PLD5: variants seen among roughly 807,000 people sequenced by gnomAD.
PLD5 encodes the protein inactive phospholipase D5.
In PLD5, 36 loss-of-function variants were observed where a neutral mutation model predicts 61.1. The ratio of observed to expected loss-of-function variants is 0.59; its 90% confidence interval spans 0.45 to 0.78. PLD5 has a LOEUF of 0.78. Ranked by LOEUF, PLD5 falls within the 30% of genes least tolerant of loss-of-function variation. The probability of loss-of-function intolerance (pLI) is 0.00; values close to 1 mark genes in which losing one functional copy is unlikely to be tolerated. For synonymous variants in PLD5, 243 were observed against 242.8 expected, an observed-to-expected ratio of 1.00 and a Z score of -0.01; for missense variants, 515 against 644.4, an observed-to-expected ratio of 0.80 and a Z score of 2.17.
intron 3 of PLD5, among the ~76,000 whole-genome samples, chr1:242,271,219 G>C (rs1253322369): frequency 0.12 from 15,643 of 125,882 alleles, 2,165 homozygotes; most frequent in East Asian, 0.41. Context: ...GAGAGAGAGA[G>C]AGAGAGAGAG....
intron 4 of PLD5, among the ~76,000 whole-genome samples, chr1:242,247,046 C>G (rs561528923): frequency 2.7e-5 from 4 of 148,570 alleles, no homozygotes; most frequent in Non-Finnish European, 5.9e-5. Flanking sequence ...TGCAGTGGCG[C>G]GATCTCGACT....
chr1:242,318,406 T>C (rs1236566827), intron 2 of PLD5, among the ~76,000 whole-genome samples: 1 of 152,190 alleles, frequency 6.6e-6, no homozygotes, highest in East Asian at 1.9e-4. Flanking sequence ...CAGTGGGCAC[T>C]ACCAGAACCT....
At chr1:242,433,422 T>C (rs1183252862) in intron 1 of PLD5, among the ~76,000 whole-genome samples, 1 of 152,206 alleles carries the variant, frequency 6.6e-6, no homozygotes, top group Non-Finnish European at 1.5e-5. Flanking sequence ...AATAGACATG[T>C]TTGTGCTGGC....
intron 1 of PLD5, among the ~76,000 whole-genome samples, chr1:242,397,839 G>C (rs1663689021): frequency 6.7e-6 from 1 of 150,264 alleles, no homozygotes; most frequent in South Asian, 2.1e-4. Context: ...AACACAGCAG[G>C]AATGTATATG....
chr1:242,240,000 GA>G (rs1478346584), intron 4 of PLD5, among the ~76,000 whole-genome samples: 1 of 152,184 alleles, frequency 6.6e-6, no homozygotes, highest in Non-Finnish European at 1.5e-5. Context: ...ATGCAGAAAA[GA>G]AAATTTTTTT....
At chr1:242,112,210 A>C (rs1414394919) in intron 7 of PLD5, among the ~76,000 whole-genome samples, 1 of 152,096 alleles carries the variant, frequency 6.6e-6, no homozygotes, top group Non-Finnish European at 1.5e-5. Flanking sequence ...AAAGGGAGGA[A>C]AAATAAAAAG....
At chr1:242,227,146 T>A (rs1270362833) in intron 4 of PLD5, among the ~76,000 whole-genome samples, 4 of 152,152 alleles carry the variant, frequency 2.6e-5, no homozygotes, top group Non-Finnish European at 4.4e-5. Context: ...AACTATCTCA[T>A]CTATAGATTA....
chr1:242,102,303 A>G (rs1055322382), intron 8 of PLD5, among the ~76,000 whole-genome samples: 2 of 152,236 alleles, frequency 1.3e-5, no homozygotes, highest in Non-Finnish European at 2.9e-5. Flanking sequence ...TTGAGGCTTT[A>G]GTAAAAACCC....
At chr1:242,113,559 T>G (rs530651156) in intron 7 of PLD5, among the ~76,000 whole-genome samples, 24 of 152,232 alleles carry the variant, frequency 1.6e-4, no homozygotes, top group Non-Finnish European at 2.1e-4. Context: ...AATGATAATT[T>G]TTTTCATATA....
At chr1:242,164,261 T>C (rs188738402) in intron 5 of PLD5, among the ~76,000 whole-genome samples, 1 of 152,140 alleles carries the variant, frequency 6.6e-6, no homozygotes, top group African/African-American at 2.4e-5. Flanking sequence ...TCAACCCCAC[T>C]GGATGTCAGA....
chr1:242,291,327 G>A (rs1219117760), intron 2 of PLD5, among the ~76,000 whole-genome samples: 1 of 152,086 alleles, frequency 6.6e-6, no homozygotes, highest in African/African-American at 2.4e-5. Flanking sequence ...GAAATTACTT[G>A]ATTAAGGCCT....
rs758266144 is a variant in PLD5 at position 242,083,518 on chromosome 1, T to C, written c.*6336A>G. On this transcript the variant is annotated 3_prime_UTR_variant, in exon 10 of 10. Transcript: ENST00000536534. ...CCACCTATGAAATATGAATGAGAGA[T>C]AGCTTTATCACTGGAGACAAATTGG... is the stretch of plus-strand genomic sequence containing the variant. 3.9e-5 allele frequency: 6 copies of C among 152,048 alleles called. No individual in the cohort carries two copies. The highest frequency in any genetic ancestry group is 1.9e-4 in the East Asian group (1 of 5,168). 9.4% of individuals were successfully genotyped at this position (152,048 alleles called of 1,614,324 possible).
At chr1:242,171,618 C>T (rs1243371909) in intron 5 of PLD5, among the ~76,000 whole-genome samples, 1 of 151,760 alleles carries the variant, frequency 6.6e-6, no homozygotes, top group Non-Finnish European at 1.5e-5. Context: ...AGAGTCAAGA[C>T]CCATCAGTGT....
chr1:242,473,054 T>TGTTCA (rs1386507465), intron 1 of PLD5, among the ~76,000 whole-genome samples: 4 of 152,248 alleles, frequency 2.6e-5, no homozygotes, highest in Admixed American at 2.0e-4. Flanking sequence ...TAAAGAAGAA[T>TGTTCA]GTTCAAGTAT....
chr1:242,523,995 CCCCCGCG>C, intron 1 of PLD5, 86 bp downstream of exon 1: 2 of 1,353,180 alleles, frequency 1.5e-6, no homozygotes, highest in Non-Finnish European at 2.0e-6. Context: ...CCTCGCCTGC[CCCCCGCG>C]CCCCGCGCGC....
intron 1 of PLD5, among the ~76,000 whole-genome samples, chr1:242,460,911 G>A (rs1214627844): frequency 1.3e-5 from 2 of 151,636 alleles, no homozygotes; most frequent in Non-Finnish European, 2.9e-5. Context: ...AGGCCAAGGT[G>A]AGTGGATCAC....
At chr1:242,158,232 T>A (rs76746623) in intron 5 of PLD5, among the ~76,000 whole-genome samples, 3 of 152,304 alleles carry the variant, frequency 2.0e-5, no homozygotes, top group African/African-American at 7.2e-5. Flanking sequence ...GCATTAGATC[T>A]TAGTTTGCTG....
chr1:242,258,026 A>G (rs1291305678), intron 4 of PLD5, among the ~76,000 whole-genome samples: 1 of 152,132 alleles, frequency 6.6e-6, no homozygotes, highest in Non-Finnish European at 1.5e-5. Flanking sequence ...TAGGAATATG[A>G]TTTCTGATAT....
intron 1 of PLD5, among the ~76,000 whole-genome samples, chr1:242,487,194 TA>T (rs1667994051): frequency 6.6e-6 from 1 of 151,448 alleles, no homozygotes; most frequent in Non-Finnish European, 1.5e-5. Flanking sequence ...ACATGTACCC[TA>T]AAACTTAAAG....
Sources: allele counts gnomAD v4.1 joint callset (sites outside exome capture counted in the v4.1 genomes callset), GRCh38; gene constraint gnomAD v4.1.1; transcripts MANE v1.5; gene names NCBI Gene and HGNC (gene_info 2026-07-23, HGNC 2026-07-21).